The following PTPRZ1 variants were observed in gnomAD, a reference collection of about 807,000 sequenced individuals.
The protein encoded by PTPRZ1 is receptor-type tyrosine-protein phosphatase zeta.
A neutral mutation model predicts 214.1 loss-of-function variants in PTPRZ1; 82 were observed. The observed-to-expected ratio is 0.38, with a 90% confidence interval of 0.32 to 0.46. The LOEUF (loss-of-function observed/expected upper bound fraction) is 0.46, where lower values mean the gene tolerates loss of function less well. Ranked by LOEUF, PTPRZ1 falls within the 20% of genes least tolerant of loss-of-function variation. The probability of loss-of-function intolerance (pLI) is 1.00; values close to 1 mark genes in which losing one functional copy is unlikely to be tolerated. For missense variants in PTPRZ1, 2,603 were observed against 2,748.7 expected (o/e 0.95, Z 1.19); for synonymous variants, 945 against 987.9 (o/e 0.96, Z 0.81).
intron 1 of PTPRZ1, among the ~76,000 whole-genome samples, chr7:121,889,116 A>AT (rs1049731073): frequency 4.8e-5 from 6 of 124,328 alleles, no homozygotes; most frequent in Admixed American, 2.4e-4. Flanking sequence ...AAAAGGCTTT[A>AT]TTTTTTAAAA....
chr7:121,971,454 T>C (rs567049207), intron 3 of PTPRZ1, among the ~76,000 whole-genome samples: 3 of 152,224 alleles, frequency 2.0e-5, no homozygotes, highest in Admixed American at 6.5e-5. Context: ...TTGAGGGTTT[T>C]GTTTTTCTTA....
chr7:121,952,835 G>C (rs1169414964), intron 2 of PTPRZ1, among the ~76,000 whole-genome samples: 3 of 152,152 alleles, frequency 2.0e-5, no homozygotes, highest in Non-Finnish European at 4.4e-5. Context: ...TGATCAGCTT[G>C]TTTTAGCTGA....
chr7:122,048,417 A>G (rs1792066255), intron 23 of PTPRZ1, among the ~76,000 whole-genome samples: 1 of 152,132 alleles, frequency 6.6e-6, no homozygotes, highest in Non-Finnish European at 1.5e-5. Flanking sequence ...CTTTGAATAT[A>G]TTTGTGACAA....
chr7:122,019,511 A>G (rs1035199447), intron 13 of PTPRZ1, among the ~76,000 whole-genome samples: 1 of 152,230 alleles, frequency 6.6e-6, no homozygotes, highest in Non-Finnish European at 1.5e-5. Flanking sequence ...GTATTTTGAC[A>G]GTTGTACTTT....
intron 8 of PTPRZ1, among the ~76,000 whole-genome samples, chr7:121,987,722 A>G (rs1294133842): frequency 6.6e-6 from 1 of 152,208 alleles, no homozygotes; most frequent in Non-Finnish European, 1.5e-5. Context: ...GAAGTGACAT[A>G]TGCACTTATA....
chr7:122,054,947 G>C lies in PTPRZ1; in HGVS notation c.6388G>C (p.Asp2130His), dbSNP rs149878138. ...MIPDGQNMAE[D>H]EFVYWPNKDE... ...TTCATTTGCAATTCTGCAGGCAGAA[G>C]ATGAATTTGTTTACTGGCCAAATAA... The change falls in exon 27 of 30, where the codon GAT becomes CAT. Residue 2130 changes from aspartate to histidine, a missense_variant. Physicochemically the swap from Asp to His is moderately conservative, Grantham distance 81 (BLOSUM62 -1). Transcript: ENST00000393386. 1 of 1,594,876 alleles carries C rather than the reference G, an allele frequency of 6.3e-7. No individual in the cohort carries two copies. The highest frequency in any genetic ancestry group is 8.5e-7 in the Non-Finnish European group (1 of 1,172,572).
chr7:122,044,401 T>A, intron 22 of PTPRZ1, 21 bp from the exon 23 acceptor site: 1 of 1,613,300 alleles, frequency 6.2e-7, no homozygotes, highest in Non-Finnish European at 8.5e-7. Context: ...CTAATGTTGC[T>A]TATTGTCATT....
At chr7:121,963,783 T>A (rs1454891530) in intron 2 of PTPRZ1, among the ~76,000 whole-genome samples, 1 of 152,082 alleles carries the variant, frequency 6.6e-6, no homozygotes, top group African/African-American at 2.4e-5. Flanking sequence ...ATCACCATGG[T>A]TGCCCCATCC....
chr7:122,027,507 A>C (rs1422729781), intron 13 of PTPRZ1, among the ~76,000 whole-genome samples: 1 of 152,222 alleles, frequency 6.6e-6, no homozygotes, highest in African/African-American at 2.4e-5. Flanking sequence ...ATTAAAACTC[A>C]TTAGGATAAA....
chr7:121,963,576 T>G (rs183092788), intron 2 of PTPRZ1, among the ~76,000 whole-genome samples: 1 of 152,310 alleles, frequency 6.6e-6, no homozygotes, highest in East Asian at 1.9e-4. Context: ...GTTCATATGT[T>G]GCATGTTTCA....
Position 121,983,953 on chromosome 7 carries a change from G to A in PTPRZ1, c.778-14G>A. 1 of 1,608,924 alleles carries A rather than the reference G, an allele frequency of 6.2e-7. No individual in the cohort carries two copies. The highest frequency in any genetic ancestry group is 8.5e-7 in the Non-Finnish European group (1 of 1,176,888). On this transcript the variant is annotated splice_polypyrimidine_tract_variant and intron_variant, in intron 7 of 29. Coordinates refer to ENST00000393386, the MANE Select transcript of PTPRZ1 (RefSeq NM_002851.3). ...TTGAAGCAGATATGTTAAATTATTTGATCTTTTTTTCAGTTGGCTGTTTTT... is the reference window on the plus strand; with the variant it reads ...TTGAAGCAGATATGTTAAATTATTTAATCTTTTTTTCAGTTGGCTGTTTTT...
chr7:121,983,738 C>T lies in PTPRZ1; in HGVS notation c.693C>T (p.Tyr231=), dbSNP rs144830177. 32 of 1,613,566 alleles carry T rather than the reference C, an allele frequency of 2.0e-5. No individual in the cohort carries two copies. Among genetic ancestry groups the T allele is most frequent in the Non-Finnish European group, 2.4e-5 (28 of 1,179,822 alleles). ...LPNSTDKYYI[Y]NGSLTSPPCT... ...ACTCAACTGACAAGTATTACATTTA[C>T]AATGGCTCATTGACATCTCCTCCCT... The change falls in exon 7 of 30, where the codon TAC becomes TAT. Residue 231 remains tyrosine, a synonymous_variant. Coordinates refer to ENST00000393386, the MANE Select transcript of PTPRZ1 (RefSeq NM_002851.3).
At chr7:122,036,551 C>A (rs1390577561) in intron 17 of PTPRZ1, 49 bp from the exon 18 acceptor site, 3 of 1,195,786 alleles carry the variant, frequency 2.5e-6, no homozygotes, top group Non-Finnish European at 3.6e-6. Flanking sequence ...TATCTTTGTG[C>A]TGAAAAGTAG....
intron 8 of PTPRZ1, among the ~76,000 whole-genome samples, chr7:121,996,116 A>G (rs1798125296): frequency 6.6e-6 from 1 of 152,134 alleles, no homozygotes; most frequent in African/African-American, 2.4e-5. Context: ...ACTTCAGTAG[A>G]GATTAATGTG....
intron 1 of PTPRZ1, among the ~76,000 whole-genome samples, chr7:121,910,136 A>G (rs1206483): frequency 0.61 from 92,902 of 151,880 alleles, 30,538 homozygotes; most frequent in African/African-American, 0.86. Flanking sequence ...TTTCCAACAC[A>G]TGGGGCTTGG....
intron 8 of PTPRZ1, among the ~76,000 whole-genome samples, chr7:121,994,964 A>C (rs1798089160): frequency 6.6e-6 from 1 of 152,156 alleles, no homozygotes; most frequent in African/African-American, 2.4e-5. Context: ...AAAGCTATAC[A>C]TGTATTTATT....
intron 22 of PTPRZ1, 30 bp downstream of exon 22, chr7:122,042,773 A>G: frequency 1.9e-6 from 3 of 1,587,452 alleles, no homozygotes; most frequent in South Asian, 1.1e-5. Flanking sequence ...GATTTTATTC[A>G]TCTAAGGTAT....
At chr7:121,874,981 C>G (rs1412195270) in intron 1 of PTPRZ1, among the ~76,000 whole-genome samples, 1 of 151,404 alleles carries the variant, frequency 6.6e-6, no homozygotes, top group East Asian at 1.9e-4. Flanking sequence ...GGAAATAAAC[C>G]AGAGAGTATT....
At chr7:121,984,909 C>T (rs1284325939) in intron 8 of PTPRZ1, among the ~76,000 whole-genome samples, 3 of 152,056 alleles carry the variant, frequency 2.0e-5, no homozygotes, top group South Asian at 2.1e-4. Flanking sequence ...TTAAAGAAGT[C>T]GTTGAAGTGA....
Sources: gnomAD v4.1 joint callset for allele counts (sites outside exome capture counted in the v4.1 genomes callset) on GRCh38, gnomAD v4.1.1 for gene constraint, MANE v1.5 for transcripts, NCBI Gene and HGNC (gene_info 2026-07-23, HGNC 2026-07-21) for gene names.